Variants in MTMR3 observed in about 807,000 individuals in gnomAD.
The protein encoded by MTMR3 is phosphatidylinositol-3,5-bisphosphate 3-phosphatase MTMR3.
MTMR3 carries 32 observed loss-of-function variants against 132.4 expected under a neutral mutation model. That is an observed-to-expected ratio of 0.24 (90% confidence interval 0.18 to 0.32). The LOEUF (loss-of-function observed/expected upper bound fraction) is 0.32, where lower values mean the gene tolerates loss of function less well. Among genes scored for constraint, MTMR3 ranks in the 10% least tolerant of loss-of-function variants. MTMR3 has a pLI of 1.00. For missense variants in MTMR3, 1,216 were observed against 1,489.6 expected (o/e 0.82, Z 3.02); for synonymous variants, 556 against 550.3 (o/e 1.01, Z -0.14).
chr22:29,961,125 T>G (rs991766019), intron 2 of MTMR3, among the ~76,000 whole-genome samples: 5 of 151,938 alleles, frequency 3.3e-5, no homozygotes, highest in African/African-American at 1.2e-4. Context: ...ATGTGTTGTG[T>G]TTTTTTTAAA....
At chr22:29,991,345 T>G in intron 6 of MTMR3, 159 bp from the exon 7 acceptor site, 2 of 582,132 alleles carry the variant, frequency 3.4e-6, no homozygotes, top group Non-Finnish European at 5.5e-6. Flanking sequence ...GTTTTTCTTA[T>G]AAGTGATAAT....
intron 1 of MTMR3, among the ~76,000 whole-genome samples, chr22:29,940,475 C>G (rs1002973711): frequency 6.7e-6 from 1 of 149,988 alleles, no homozygotes; most frequent in Non-Finnish European, 1.5e-5. Flanking sequence ...TTGTTGCTCA[C>G]ACAAAGCCTG....
Position 29,988,462 on chromosome 22 carries a change from A to AT in MTMR3, c.211-11dup, listed in dbSNP as rs769747039. 33 of 1,597,198 alleles carry AT rather than the reference A, an allele frequency of 2.1e-5. No individual in the cohort carries two copies. The highest frequency in any genetic ancestry group is 4.0e-5 in the African/African-American group (3 of 74,436). On this transcript the variant is annotated splice_polypyrimidine_tract_variant and intron_variant, in intron 5 of 19. Transcript: ENST00000401950. The stretch of plus-strand genomic sequence containing the variant: ...ATGCCTTTTTGACTAAGAGGACTTC[A>AT]TTTTTTTAAAATTGCAGGTTCCATT...
At chr22:29,916,387 A>G (rs546376776) in intron 1 of MTMR3, among the ~76,000 whole-genome samples, 1 of 152,328 alleles carries the variant, frequency 6.6e-6, no homozygotes, top group Non-Finnish European at 1.5e-5. Flanking sequence ...GTGCCTCACA[A>G]ATTACAGCTG....
At chr22:29,911,636 T>TA (rs2065215680) in intron 1 of MTMR3, among the ~76,000 whole-genome samples, 1 of 152,086 alleles carries the variant, frequency 6.6e-6, no homozygotes, top group Non-Finnish European at 1.5e-5. Flanking sequence ...TATTTAATGT[T>TA]AGTCTGACCA....
intron 1 of MTMR3, among the ~76,000 whole-genome samples, chr22:29,955,906 C>T (rs2066179885): frequency 6.6e-6 from 1 of 152,164 alleles, no homozygotes; most frequent in South Asian, 2.1e-4. Context: ...TGTGCCCCAC[C>T]ACACCCAGCT....
At chr22:29,903,896 C>G (rs908267070) in intron 1 of MTMR3, among the ~76,000 whole-genome samples, 1 of 152,042 alleles carries the variant, frequency 6.6e-6, no homozygotes, top group Non-Finnish European at 1.5e-5. Flanking sequence ...ATTTGGTGAA[C>G]AGGTATCTCA....
At chr22:30,025,350 TTGAGCAGCATTCTTTTGTATACC>T (rs1176729635) in intron 19 of MTMR3, 26 of 465,632 alleles carry the variant, frequency 5.6e-5, no homozygotes, top group East Asian at 1.3e-4. Context: ...CAGATCTCTC[TTGAGCAGCATTCTTTTGTATACC>T]TGAGCAGCAT....
Position 29,918,755 on chromosome 22 carries a change from C to G in MTMR3, c.-138+35396C>G, listed in dbSNP as rs184392534. Among the ~76,000 whole-genome samples, 279 of 152,290 alleles carry G rather than the reference C, an allele frequency of 1.8e-3. 1 individual carries two copies. Among genetic ancestry groups the G allele is most frequent in the Middle Eastern group, 3.4e-3 (1 of 294 alleles). ...GATTCACTAGGGGTTTTATCATAAT[C>G]TGTCTCATATCATTTCATATGTTAA... On this transcript the variant is annotated intron_variant, in intron 1 of 19. Coordinates refer to ENST00000401950, the MANE Select transcript of MTMR3 (RefSeq NM_021090.4).
At chr22:30,016,993 A>G (rs1904639797) in intron 15 of MTMR3, 1 of 289,428 alleles carries the variant, frequency 3.5e-6, no homozygotes, top group African/African-American at 2.2e-5. Flanking sequence ...TTTCTAGCAT[A>G]TTCTGTCTTA....
At chr22:29,964,582 C>A (rs2066377202) in intron 2 of MTMR3, among the ~76,000 whole-genome samples, 2 of 152,094 alleles carry the variant, frequency 1.3e-5, no homozygotes, top group African/African-American at 2.4e-5. Flanking sequence ...TCTTTAATCT[C>A]CCTTTGCTGC....
chr22:29,905,787 G>T lies in MTMR3; in HGVS notation c.-138+22428G>T, dbSNP rs569047987. Among the ~76,000 whole-genome samples, 5 of 152,102 alleles carry T rather than the reference G, an allele frequency of 3.3e-5. 1 individual carries two copies. Among genetic ancestry groups the T allele is most frequent in the East Asian group, 3.9e-4 (2 of 5,178 alleles). ...TATTTTTACAGCTTTCCCCATTTTT[G>T]ATATTAAAACAATTTTATGGGGTTT... On this transcript the variant is annotated intron_variant, in intron 1 of 19. Transcript: ENST00000401950.
At chr22:29,966,108 C>T (rs752189821) in intron 2 of MTMR3, among the ~76,000 whole-genome samples, 20 of 152,058 alleles carry the variant, frequency 1.3e-4, no homozygotes, top group Non-Finnish European at 2.4e-4. Context: ...CAAAAGTTAC[C>T]AACTCATGAC....
chr22:29,947,502 TA>T lies in MTMR3; in HGVS notation c.-137-9522del, dbSNP rs5844883. Among the ~76,000 whole-genome samples the T allele has an allele frequency of 3.8e-4, 55 of 145,002 alleles. 1 individual carries two copies. The highest frequency in any genetic ancestry group is 4.0e-4 in the African/African-American group (16 of 39,532). ...AGTTAATTTAGCCAGTATGCTAAAT[TA>T]AAAAAAAAAAACAAAAAACCCTGCC... On this transcript the variant is annotated intron_variant, in intron 1 of 19. Coordinates refer to ENST00000401950, the MANE Select transcript of MTMR3 (RefSeq NM_021090.4).
At chr22:29,992,475 C>G (rs1358403944) in intron 7 of MTMR3, 1 of 152,096 alleles carries the variant, frequency 6.6e-6, no homozygotes, top group Non-Finnish European at 1.5e-5. Flanking sequence ...GTCTTTGTCC[C>G]CCTCACTGTC....
At chr22:30,021,674 C>T (rs1289661059) in intron 17 of MTMR3, 1 of 226,954 alleles carries the variant, frequency 4.4e-6, no homozygotes, top group South Asian at 1.0e-4. Flanking sequence ...CGAAAGCACT[C>T]AGCTTTAACT....
At chr22:29,916,727 C>T (rs1471054338) in intron 1 of MTMR3, among the ~76,000 whole-genome samples, 4 of 152,202 alleles carry the variant, frequency 2.6e-5, no homozygotes, top group African/African-American at 9.6e-5. Flanking sequence ...TAGCCTACTT[C>T]ATAAATTAAT....
intron 1 of MTMR3, among the ~76,000 whole-genome samples, chr22:29,939,289 A>G (rs1186001909): frequency 2.0e-5 from 3 of 152,220 alleles, no homozygotes; most frequent in Non-Finnish European, 4.4e-5. Context: ...TATTTTTATT[A>G]TAGGTTTAAA....
intron 1 of MTMR3, among the ~76,000 whole-genome samples, chr22:29,936,047 C>T (rs867992055): frequency 2.0e-5 from 3 of 147,778 alleles, no homozygotes; most frequent in African/African-American, 5.0e-5. Context: ...TCACTGTGCC[C>T]GGCCTCCATG....
Sources: allele counts gnomAD v4.1 joint callset (sites outside exome capture counted in the v4.1 genomes callset), GRCh38; gene constraint gnomAD v4.1.1; transcripts MANE v1.5; gene names NCBI Gene and HGNC (gene_info 2026-07-23, HGNC 2026-07-21).